TMEM132C: variants seen among roughly 807,000 people sequenced by gnomAD.
TMEM132C encodes transmembrane protein 132C.
TMEM132C carries 29 observed loss-of-function variants against 61.4 expected under a neutral mutation model. The observed-to-expected ratio is 0.47, with a 90% confidence interval of 0.35 to 0.64. The LOEUF (loss-of-function observed/expected upper bound fraction) is 0.64, where lower values mean the gene tolerates loss of function less well. Among genes scored for constraint, TMEM132C ranks in the 30% least tolerant of loss-of-function variants. The probability of loss-of-function intolerance (pLI) is 0.00; values close to 1 mark genes in which losing one functional copy is unlikely to be tolerated. For missense variants in TMEM132C, 1,408 were observed against 1,476.9 expected (o/e 0.95, Z 0.76); for synonymous variants, 656 against 633.1 (o/e 1.04, Z -0.54).
Position 128,543,562 on chromosome 12 carries a change from C to G in TMEM132C, c.975-395C>G, listed in dbSNP as rs867328703. Among the ~76,000 whole-genome samples, 6 of 152,228 alleles carry G rather than the reference C, an allele frequency of 3.9e-5. No individual in the cohort carries two copies. The South Asian group carries it at 1.0e-3, about 26-fold the overall frequency. On this transcript the variant is annotated intron_variant, in intron 2 of 8. Transcript: ENST00000435159. ...TTCCCTACTGGATAACAACACCCCC[C>G]ACACACACAGCCATGACAACTACAA...
intron 1 of TMEM132C, among the ~76,000 whole-genome samples, chr12:128,388,487 A>G (rs1314779368): frequency 6.6e-6 from 1 of 152,096 alleles, no homozygotes; most frequent in Non-Finnish European, 1.5e-5. Flanking sequence ...CATTCTTTTA[A>G]CTGCTGTGTG....
At chr12:128,579,619 T>C (rs1191888239) in intron 3 of TMEM132C, among the ~76,000 whole-genome samples, 4 of 152,184 alleles carry the variant, frequency 2.6e-5, no homozygotes, top group African/African-American at 9.7e-5. Context: ...CCCAAATATG[T>C]TGGATGGCAG....
chr12:128,462,116 G>GTTTT (rs1356211917), intron 2 of TMEM132C, among the ~76,000 whole-genome samples: 19 of 152,076 alleles, frequency 1.2e-4, no homozygotes, highest in African/African-American at 4.6e-4. Context: ...GTTTTGTTTT[G>GTTTT]TTTTTTTGAG....
chr12:128,401,545 T>C (rs1270751467), intron 1 of TMEM132C, among the ~76,000 whole-genome samples: 4 of 152,190 alleles, frequency 2.6e-5, no homozygotes, highest in Admixed American at 2.0e-4. Context: ...CACATGCAGA[T>C]TGGACATTGT....
chr12:128,400,557 C>T (rs1249679750), intron 1 of TMEM132C, among the ~76,000 whole-genome samples: 1 of 151,620 alleles, frequency 6.6e-6, no homozygotes, highest in Non-Finnish European at 1.5e-5. Flanking sequence ...CCTCTGACTG[C>T]CCGCTAGATG....
Position 128,705,187 on chromosome 12 carries a change from A to G in TMEM132C, c.2219A>G (p.Gln740Arg). ...TKDFSLAATS[Q>R]DEAVVSVPQP... Reference sequence around the variant, plus strand: ...GACTTCTCCCTGGCAGCCACCTCCCAGGACGAGGCTGTCGTGTCAGTCCCC... The same window carrying G: ...GACTTCTCCCTGGCAGCCACCTCCCGGGACGAGGCTGTCGTGTCAGTCCCC... The change falls in exon 9 of 9, where the codon CAG becomes CGG. Residue 740 changes from glutamine (Q) to arginine (R), a missense_variant. Physicochemically the swap from Gln to Arg is conservative, Grantham distance 43. Coordinates refer to ENST00000435159, the MANE Select transcript of TMEM132C (RefSeq NM_001136103.3). 1 of 1,551,698 alleles carries G rather than the reference A, an allele frequency of 6.4e-7. No homozygotes were observed. Among genetic ancestry groups the G allele is most frequent in the Non-Finnish European group, 8.7e-7 (1 of 1,146,988 alleles).
chr12:128,689,970 G>A (rs751064042), intron 5 of TMEM132C, among the ~76,000 whole-genome samples: 30 of 152,188 alleles, frequency 2.0e-4, no homozygotes, highest in Non-Finnish European at 2.5e-4. Flanking sequence ...CAGGACATCC[G>A]TGGCTGACCG....
At chr12:128,444,150 G>C (rs1435031552) in intron 2 of TMEM132C, among the ~76,000 whole-genome samples, 2 of 152,116 alleles carry the variant, frequency 1.3e-5, no homozygotes, top group Non-Finnish European at 2.9e-5. Flanking sequence ...GAACTCCTGT[G>C]CTCAAGCGAT....
At chr12:128,539,419 A>G (rs1873651627) in intron 2 of TMEM132C, among the ~76,000 whole-genome samples, 1 of 152,200 alleles carries the variant, frequency 6.6e-6, no homozygotes, top group South Asian at 2.1e-4. Context: ...AATCGAGACC[A>G]TCCTGACTAA....
chr12:128,676,867 A>T (rs990577468), intron 5 of TMEM132C, among the ~76,000 whole-genome samples: 8 of 152,208 alleles, frequency 5.3e-5, no homozygotes, highest in African/African-American at 1.9e-4. Context: ...GCGGTGTAAA[A>T]GTATGATAAG....
At chr12:128,634,810 T>C (rs1180848566) in intron 4 of TMEM132C, among the ~76,000 whole-genome samples, 2 of 152,240 alleles carry the variant, frequency 1.3e-5, no homozygotes, top group African/African-American at 4.8e-5. Flanking sequence ...ACCAAAGACT[T>C]TGACTCTGGC....
chr12:128,611,852 G>A (rs1028153945), intron 3 of TMEM132C, among the ~76,000 whole-genome samples: 20 of 152,218 alleles, frequency 1.3e-4, no homozygotes, highest in Non-Finnish European at 2.6e-4. Flanking sequence ...CAGTCAGCAA[G>A]GACAAAGTGG....
chr12:128,654,084 C>CTT (rs1322004304), intron 4 of TMEM132C, among the ~76,000 whole-genome samples: 1 of 152,200 alleles, frequency 6.6e-6, no homozygotes, highest in Admixed American at 6.5e-5. Flanking sequence ...TGCAGGTTGA[C>CTT]TTTTGTTCCC....
At chr12:128,641,580 T>A (rs1312117824) in intron 4 of TMEM132C, among the ~76,000 whole-genome samples, 1 of 152,008 alleles carries the variant, frequency 6.6e-6, no homozygotes, top group East Asian at 1.9e-4. Context: ...CACCAAAGAT[T>A]CCTGCAACCA....
rs1024702883 is a variant in TMEM132C at position 128,676,820 on chromosome 12, G to A, written c.1449+7260G>A. Among the ~76,000 whole-genome samples the A allele has an allele frequency of 5.3e-5, 8 of 152,208 alleles. No individual in the cohort carries two copies. In the East Asian group the frequency reaches 1.5e-3, roughly 29 times the overall value. On this transcript the variant is annotated intron_variant, in intron 5 of 8. Transcript: ENST00000435159. ...CTTACAATGCATCATGAATATCGCT[G>A]CCTTGGAGCACTTGGAACATGAAGC...
At chr12:128,594,761 T>C (rs1875886402) in intron 3 of TMEM132C, among the ~76,000 whole-genome samples, 1 of 152,188 alleles carries the variant, frequency 6.6e-6, no homozygotes, top group Non-Finnish European at 1.5e-5. Flanking sequence ...ACCTAAACAG[T>C]TTACTCTAAG....
intron 4 of TMEM132C, among the ~76,000 whole-genome samples, chr12:128,658,423 G>A (rs1350387760): frequency 1.3e-5 from 2 of 152,200 alleles, no homozygotes; most frequent in Admixed American, 6.5e-5. Context: ...TGAGCGGTGT[G>A]CCTTCCCACT....
chr12:128,338,073 G>A (rs1469482112), intron 1 of TMEM132C, among the ~76,000 whole-genome samples: 2 of 149,476 alleles, frequency 1.3e-5, no homozygotes, highest in Non-Finnish European at 3.0e-5. Flanking sequence ...CCGAGGTAGC[G>A]TTTTACATCT....
chr12:128,544,591 G>A (rs1051541305), intron 3 of TMEM132C, among the ~76,000 whole-genome samples: 1 of 152,122 alleles, frequency 6.6e-6, no homozygotes, highest in African/African-American at 2.4e-5. Context: ...TTGTTTTCTG[G>A]TTATAAAAGC....
Sources: gnomAD v4.1 joint callset for allele counts (sites outside exome capture counted in the v4.1 genomes callset) on GRCh38, gnomAD v4.1.1 for gene constraint, MANE v1.5 for transcripts, NCBI Gene and HGNC (gene_info 2026-07-23, HGNC 2026-07-21) for gene names.